The following SREBF1 variants were observed in gnomAD, a reference collection of about 807,000 sequenced individuals.
SREBF1 encodes sterol regulatory element-binding protein 1.
SREBF1 carries 45 observed loss-of-function variants against 100.1 expected under a neutral mutation model. The ratio of observed to expected loss-of-function variants is 0.45; its 90% CI spans 0.35 to 0.58. The LOEUF (loss-of-function observed/expected upper bound fraction) is 0.58. Among genes scored for constraint, SREBF1 ranks in the 20% least tolerant of loss-of-function variants. The pLI is 0.00. For synonymous variants in SREBF1, 657 were observed against 681.8 expected (o/e 0.96, Z 0.57); for missense variants, 1,324 against 1,539.4 (o/e 0.86, Z 2.34).
At chr17:17,815,779 C>A in intron 12 of SREBF1, 81 bp downstream of exon 12, 2 of 1,459,492 alleles carry the variant, frequency 1.4e-6, no homozygotes, top group Admixed American at 2.0e-5. Context: ...CCAGAGACAG[C>A]CAGAGATTCA....
rs1270278499 is a variant in SREBF1 at position 17,816,689 on chromosome 17, C to T, written c.1815G>A (p.Leu605=). The change falls in exon 10 of 19, where the codon CTG becomes CTA. Residue 605 remains leucine, a synonymous_variant. Coordinates refer to ENST00000261646, the MANE Select transcript of SREBF1 (RefSeq NM_004176.5). ...GGCCCAGTGCCCGCAGGGCCAGCCA[C>T]AGCTGCTGGGCAGCCTGGGCAAAGT... is the stretch of plus-strand genomic sequence containing the variant. ...RGDFAQAAQQ[L]WLALRALGRP... 1.3e-6 allele frequency: 2 copies of T among 1,584,352 alleles called. No homozygotes were observed. Among genetic ancestry groups the T allele is most frequent in the South Asian group, 1.1e-5 (1 of 87,600 alleles).
At chr17:17,814,558 AG>A in intron 15 of SREBF1, 56 bp downstream of exon 15, 1 of 1,536,262 alleles carries the variant, frequency 6.5e-7, no homozygotes. Context: ...CACAGTGCCC[AG>A]GGGATGAGGA....
At chr17:17,818,952 G>C in intron 5 of SREBF1, 61 bp downstream of exon 5, 1 of 1,562,748 alleles carries the variant, frequency 6.4e-7, no homozygotes, top group Non-Finnish European at 8.7e-7. Flanking sequence ...CCTTCCAGTT[G>C]CCCCTGATCT....
At chr17:17,815,066 C>T (rs2033406867) in intron 13 of SREBF1, 122 bp from the exon 14 acceptor site, 1 of 1,234,848 alleles carries the variant, frequency 8.1e-7, no homozygotes, top group Non-Finnish European at 1.2e-6. Context: ...TCTCCTCCCA[C>T]AGGCTGGTGG....
At chr17:17,826,761 G>A (rs752691969) in intron 1 of SREBF1, among the ~76,000 whole-genome samples, 16 of 152,290 alleles carry the variant, frequency 1.1e-4, no homozygotes, top group East Asian at 1.9e-4. Flanking sequence ...AGATGCAGGC[G>A]CCCTTTAATG....
intron 2 of SREBF1, 35 bp from the exon 3 acceptor site, chr17:17,819,760 CCT>C: frequency 6.5e-7 from 1 of 1,549,754 alleles, no homozygotes; most frequent in Non-Finnish European, 8.7e-7. Context: ...CAGACACAGA[CCT>C]CCCTCTCCCA....
At chr17:17,827,875 G>A (rs1405519520) in intron 1 of SREBF1, among the ~76,000 whole-genome samples, 2 of 152,212 alleles carry the variant, frequency 1.3e-5, no homozygotes, top group African/African-American at 4.8e-5. Flanking sequence ...GTGAGTGTGT[G>A]CAGAGTGCAA....
intron 1 of SREBF1, among the ~76,000 whole-genome samples, chr17:17,829,345 G>A (rs1282065899): frequency 2.0e-5 from 3 of 150,530 alleles, no homozygotes; most frequent in South Asian, 4.2e-4. Flanking sequence ...TCATATGAAG[G>A]CAGCAAGATG....
intron 10 of SREBF1, 33 bp from the exon 11 acceptor site, chr17:17,816,406 G>C (rs1184704845): frequency 6.3e-7 from 1 of 1,598,530 alleles, no homozygotes; most frequent in Non-Finnish European, 8.5e-7. Context: ...GCTGTGGGTG[G>C]AGCACAGGCA....
chr17:17,828,483 G>A (rs895441751), intron 1 of SREBF1, among the ~76,000 whole-genome samples: 2 of 152,188 alleles, frequency 1.3e-5, no homozygotes, highest in Admixed American at 6.5e-5. Context: ...GATGCTGGTC[G>A]GCACCAATTC....
Position 17,836,929 on chromosome 17 carries a change from C to A in SREBF1, c.-112G>T. 9.7e-7 allele frequency: 1 copy of A among 1,031,150 alleles called. No individual in the cohort carries two copies. Among genetic ancestry groups the A allele is most frequent in the South Asian group, 1.8e-5 (1 of 54,822 alleles). 63.9% of individuals were successfully genotyped at this position (1,031,150 alleles called of 1,614,324 possible). On this transcript the variant is annotated 5_prime_UTR_variant, in exon 1 of 19. Transcript: ENST00000261646. ...AGTCGCCGCCGCCGCTCCGCGCGTT[C>A]GTGTCCTGCCCTGGCCTCAGAGGCG...
rs564483083 is a variant in SREBF1, at chr17:17,813,391, C to T, written c.3191G>A (p.Arg1064Gln). 5.6e-5 allele frequency: 89 copies of T among 1,600,086 alleles called. No individual in the cohort carries two copies. The Middle Eastern group carries it at 5.8e-4, about 10-fold the overall frequency. Residue 1064 changes from arginine to glutamine, a missense_variant, in exon 18 of 19, where the codon CGG becomes CAG. Coordinates refer to ENST00000261646, the MANE Select transcript of SREBF1 (RefSeq NM_004176.5). ...HQLLDRSLRR[R>Q]AGPGGKGGAV... is the part of the protein sequence containing the mutation. ...ACCTCCTTTGCCACCGGGGCCTGCC[C>T]GCCGCCTCAGACTGCGGTCGAGGAG...
At chr17:17,826,061 T>TG (rs1390716755) in intron 1 of SREBF1, among the ~76,000 whole-genome samples, 2 of 152,190 alleles carry the variant, frequency 1.3e-5, no homozygotes, top group African/African-American at 4.8e-5. Context: ...TGCTGTGTGA[T>TG]GGGGACAGTC....
At position 17,816,307 on chromosome 17, in the gene SREBF1, C is replaced by G. The variant is rs1292157943; in HGVS notation, c.2114G>C (p.Cys705Ser). 1 of 1,575,206 alleles carries G rather than the reference C, an allele frequency of 6.3e-7. No homozygotes were observed. The highest frequency in any genetic ancestry group is 2.3e-5 in the East Asian group (1 of 43,220). ...LALSALNLAE[C>S]AGDAVSVATL... Reference sequence around the variant, plus strand: ...CGCCACAGACACGGCATCCCCTGCACACTCTGCCAGGTTCAGGGCACTCAG... The same window carrying G: ...CGCCACAGACACGGCATCCCCTGCAGACTCTGCCAGGTTCAGGGCACTCAG... Residue 705 changes from cysteine to serine, a missense_variant, in exon 11 of 19, where the codon TGT (cysteine) becomes TCT (serine). Transcript: ENST00000261646.
In SREBF1 at chr17:17,811,535, C is replaced by CG. The variant is rs2032836158; in HGVS notation, c.*1086_*1087insC. 2 of 181,232 alleles carry CG rather than the reference C, an allele frequency of 1.1e-5. No homozygotes were observed. Among genetic ancestry groups the CG allele is most frequent in the Non-Finnish European group, 9.5e-6 (1 of 105,200 alleles). 11.2% of individuals were successfully genotyped at this position (181,232 alleles called of 1,614,324 possible). A position where few individuals can be genotyped will look rare whatever the true frequency, so the allele number is the denominator to read the frequency against. On this transcript the variant is annotated 3_prime_UTR_variant, in exon 19 of 19. Transcript: ENST00000261646. ...TGGGGAATGGGAATGAAGGGAGGGGCTGGGGGGGGGGGCATGAATGGAGTC... is the reference window on the plus strand; with the variant it reads ...TGGGGAATGGGAATGAAGGGAGGGGCGTGGGGGGGGGGGCATGAATGGAGTC...
At chr17:17,823,674 CCCCCAGCCCCG>C (rs752657895) in intron 1 of SREBF1, 813 of 1,160,106 alleles carry the variant, frequency 7.0e-4, no homozygotes, top group South Asian at 1.9e-3. Context: ...CCCCGCCCCG[CCCCCAGCCCCG>C]CCCCAGCCCC....
rs900078625 is a variant in SREBF1, at chr17:17,817,102, T to A, written c.1641A>T (p.Pro547=). 1 of 1,612,718 alleles carries A rather than the reference T, an allele frequency of 6.2e-7. No individual in the cohort carries two copies. The change falls in exon 9 of 19, where the codon CCA becomes CCT. Residue 547 remains proline (P), a synonymous_variant. Transcript: ENST00000261646. This position sits in a 1 kb window ranked among gnomAD's most constrained non-coding sequence, Gnocchi z 6.6. ...GPGWAQWLLP[P]VVWLLNGLLV... ...ACAGCCCATTGAGCAGCCAGACCAC[T>A]GGGGGCAGCAGCCACTGGGCCCAGC...
chr17:17,812,707 T>C lies in SREBF1; in HGVS notation c.3359A>G (p.Glu1120Gly), dbSNP rs1203706500. The part of the protein sequence containing the change: ...GMLAEAARTL[E>G]KLGDRRLLHD... ...CAGCAGCCGGCGATCGCCAAGCTTC[T>C]CGAGTGTGCGCGCCGCCTCAGCCAG... is the stretch of plus-strand genomic sequence containing the variant. Residue 1120 changes from glutamate to glycine, a missense_variant, in exon 19 of 19, where the codon GAG becomes GGG. Transcript: ENST00000261646. 6.2e-7 allele frequency: 1 copy of C among 1,601,114 alleles called. No individual in the cohort carries two copies.
chr17:17,815,387 C>G (rs945175592), intron 12 of SREBF1, 58 bp from the exon 13 acceptor site: 2 of 1,456,742 alleles, frequency 1.4e-6, no homozygotes, highest in Admixed American at 3.4e-5. Context: ...CCTCTCCAAG[C>G]TAAGGGCTTT....
Sources: gnomAD v4.1 joint callset for allele counts (sites outside exome capture counted in the v4.1 genomes callset) on GRCh38, gnomAD v4.1.1 for gene constraint, Gnocchi (gnomAD v3.1) non-coding constraint, MANE v1.5 for transcripts, NCBI Gene and HGNC (gene_info 2026-07-23, HGNC 2026-07-21) for gene names.